Variants in RABGAP1L observed in about 807,000 individuals in gnomAD.
RABGAP1L encodes RAB GTPase activating protein 1 like.
RABGAP1L carries 63 observed loss-of-function variants against 137.7 expected under a neutral mutation model. The observed-to-expected ratio is 0.46, with a 90% CI of 0.37 to 0.56. The LOEUF (loss-of-function observed/expected upper bound fraction) is 0.56, where lower values mean the gene tolerates loss of function less well. Ranked by LOEUF, RABGAP1L falls within the 20% of genes least tolerant of loss-of-function variation. RABGAP1L has a pLI of 0.00. For synonymous variants in RABGAP1L, 431 were observed against 433.7 expected (o/e 0.99, Z 0.08); for missense variants, 1,095 against 1,244.0 (o/e 0.88, Z 1.80).
chr1:174,976,498 A>C (rs1320453328), intron 22 of RABGAP1L, among the ~76,000 whole-genome samples: 1 of 152,186 alleles, frequency 6.6e-6, no homozygotes, highest in African/African-American at 2.4e-5. Flanking sequence ...AGCTTTGACA[A>C]ATCTGCAAAT....
chr1:174,857,564 A>G (rs945264081), intron 19 of RABGAP1L, among the ~76,000 whole-genome samples: 3 of 152,176 alleles, frequency 2.0e-5, no homozygotes, highest in Non-Finnish European at 4.4e-5. Context: ...AAATTCATCA[A>G]TAAACCATGG....
At chr1:174,336,186 C>T (rs539846412) in intron 11 of RABGAP1L, among the ~76,000 whole-genome samples, 10 of 152,320 alleles carry the variant, frequency 6.6e-5, no homozygotes, top group East Asian at 5.8e-4. Flanking sequence ...GATCATGGCT[C>T]ACTGTAGCCT....
intron 19 of RABGAP1L, among the ~76,000 whole-genome samples, chr1:174,833,993 A>G (rs1692458070): frequency 6.6e-6 from 1 of 152,198 alleles, no homozygotes; most frequent in Non-Finnish European, 1.5e-5. Context: ...AGGAGCTTGT[A>G]TTTCTGGAAA....
At chr1:174,887,208 G>A (rs1655314094) in intron 19 of RABGAP1L, among the ~76,000 whole-genome samples, 1 of 152,196 alleles carries the variant, frequency 6.6e-6, no homozygotes, top group Admixed American at 6.5e-5. Flanking sequence ...AGTTGTGGGA[G>A]GGGAAAGTGA....
At chr1:174,962,559 A>G (rs1251236241) in intron 20 of RABGAP1L, among the ~76,000 whole-genome samples, 1 of 152,232 alleles carries the variant, frequency 6.6e-6, no homozygotes, top group Admixed American at 6.5e-5. Context: ...AAATTAAGCT[A>G]TTATGCATAG....
At chr1:174,466,613 C>T (rs957539378) in intron 13 of RABGAP1L, among the ~76,000 whole-genome samples, 1 of 152,108 alleles carries the variant, frequency 6.6e-6, no homozygotes, top group South Asian at 2.1e-4. Flanking sequence ...ATGGTGAAAC[C>T]CTGTCTCTAC....
At chr1:174,344,196 T>C (rs781400094) in intron 11 of RABGAP1L, among the ~76,000 whole-genome samples, 4 of 152,220 alleles carry the variant, frequency 2.6e-5, no homozygotes, top group Non-Finnish European at 5.9e-5. Flanking sequence ...TCTAAAAGCA[T>C]ATAGTACTTG....
At chr1:174,722,070 T>C (rs1469089188) in intron 17 of RABGAP1L, among the ~76,000 whole-genome samples, 8 of 152,086 alleles carry the variant, frequency 5.3e-5, no homozygotes. Flanking sequence ...TAGTTGGGAT[T>C]ACAGGCATGC....
chr1:174,798,927 A>T (rs1688486172), intron 18 of RABGAP1L, among the ~76,000 whole-genome samples: 1 of 152,196 alleles, frequency 6.6e-6, no homozygotes, highest in Non-Finnish European at 1.5e-5. Flanking sequence ...GCTACAACTG[A>T]TTATTTATTC....
chr1:174,318,311 C>G (rs1325106769), intron 11 of RABGAP1L, among the ~76,000 whole-genome samples: 3 of 152,116 alleles, frequency 2.0e-5, no homozygotes, highest in Non-Finnish European at 4.4e-5. Context: ...TCCTGCTCTG[C>G]TTTGGTTTTT....
intron 13 of RABGAP1L, among the ~76,000 whole-genome samples, chr1:174,516,166 C>CACACACACACACACACAT (rs1553319718): frequency 6.7e-6 from 1 of 149,754 alleles, no homozygotes; most frequent in African/African-American, 2.5e-5. Context: ...CACACACACA[C>CACACACACACACACACAT]GCTTTGAGAT....
intron 13 of RABGAP1L, among the ~76,000 whole-genome samples, chr1:174,460,741 A>C (rs1424505357): frequency 6.6e-6 from 1 of 152,154 alleles, no homozygotes; most frequent in East Asian, 1.9e-4. Flanking sequence ...AATAAATTAA[A>C]GGAATTTGAT....
chr1:174,392,533 G>A (rs1224058661), intron 12 of RABGAP1L, among the ~76,000 whole-genome samples: 1 of 152,114 alleles, frequency 6.6e-6, no homozygotes, highest in Non-Finnish European at 1.5e-5. Flanking sequence ...CAATACAAAA[G>A]CTTAGCTAGA....
chr1:174,848,543 G>T lies in RABGAP1L; in HGVS notation c.2340+36583G>T, dbSNP rs1294356610. ...GTGCCTCCCAGTTAGGCTGCTCGGG[G>T]GTCAGGGGTCAGGGACCCACTTGAG... On this transcript the variant is annotated intron_variant, in intron 19 of 25. Transcript: ENST00000681986. Among the ~76,000 whole-genome samples the T allele has an allele frequency of 1.9e-4, 29 of 148,738 alleles. No homozygotes were observed. The South Asian group carries it at 4.4e-3, about 23-fold the overall frequency.
rs183974598 is a variant in RABGAP1L, at chr1:174,681,661, A to C, written c.1825-1861A>C. ...ATGCCCCAGCTCAAGGAACTGTACA[A>C]TTAAAATGTATGCCTTTCACTGAGT... On this transcript the variant is annotated intron_variant, in intron 14 of 25. Transcript: ENST00000681986. Among the ~76,000 whole-genome samples the C allele has an allele frequency of 8.8e-4, 134 of 152,318 alleles. 1 individual carries two copies. The highest frequency in any genetic ancestry group is 2.1e-4 in the Non-Finnish European group (14 of 68,026).
At chr1:174,387,439 T>C (rs866172501) in intron 12 of RABGAP1L, among the ~76,000 whole-genome samples, 5 of 152,278 alleles carry the variant, frequency 3.3e-5, no homozygotes, top group Middle Eastern at 3.4e-3. Flanking sequence ...TTTTTGAATG[T>C]ACACAGAAAT....
At chr1:174,362,277 A>G (rs1248791603) in intron 11 of RABGAP1L, among the ~76,000 whole-genome samples, 2 of 152,150 alleles carry the variant, frequency 1.3e-5, no homozygotes, top group African/African-American at 4.8e-5. Context: ...AGAACAATTT[A>G]TATTTCTTTG....
intron 5 of RABGAP1L, among the ~76,000 whole-genome samples, chr1:174,242,353 A>G (rs933396229): frequency 6.6e-6 from 1 of 152,224 alleles, no homozygotes; most frequent in Admixed American, 6.5e-5. Context: ...CCCAATTTTA[A>G]AATGTTGCAC....
intron 20 of RABGAP1L, among the ~76,000 whole-genome samples, chr1:174,960,823 CAGTG>C (rs1038976375): frequency 1.3e-5 from 2 of 152,162 alleles, no homozygotes; most frequent in African/African-American, 2.4e-5. Flanking sequence ...AAAGCCAACA[CAGTG>C]GGTGGTACAT....
Sources: gnomAD v4.1 joint callset for allele counts (sites outside exome capture counted in the v4.1 genomes callset) on GRCh38, gnomAD v4.1.1 for gene constraint, MANE v1.5 for transcripts, NCBI Gene and HGNC (gene_info 2026-07-23, HGNC 2026-07-21) for gene names.